The following RHBDD1 variants were observed in gnomAD, a reference collection of about 807,000 sequenced individuals.
RHBDD1 encodes rhomboid domain containing 1.
Under a neutral mutation model 36.3 loss-of-function variants are expected in RHBDD1, and 38 were observed. That is an observed-to-expected ratio of 1.05 (90% CI 0.81 to 1.37). RHBDD1 has a LOEUF of 1.37. Ranked by LOEUF, RHBDD1 falls within the 40% of genes most tolerant of loss-of-function variation. The pLI, the probability that RHBDD1 is intolerant of heterozygous loss-of-function variation, is 0.00. For missense variants in RHBDD1, 393 were observed against 377.6 expected (o/e 1.04, Z -0.34); for synonymous variants, 151 against 136.5 (o/e 1.11, Z -0.74).
intron 6 of RHBDD1, 66 bp downstream of exon 6, chr2:226,906,947 G>A (rs535241918): frequency 1.3e-6 from 2 of 1,527,320 alleles, no homozygotes; most frequent in South Asian, 1.1e-5. Flanking sequence ...AATGTGAACA[G>A]AAGCAACCCC....
intron 1 of RHBDD1, among the ~76,000 whole-genome samples, chr2:226,837,062 A>G (rs1222529158): frequency 6.6e-6 from 1 of 152,218 alleles, no homozygotes; most frequent in Non-Finnish European, 1.5e-5. Flanking sequence ...GTTGATACCA[A>G]TGCACCTGGA....
intron 8 of RHBDD1, among the ~76,000 whole-genome samples, chr2:226,958,882 A>G (rs1951981294): frequency 6.6e-6 from 1 of 152,132 alleles, no homozygotes; most frequent in South Asian, 2.1e-4. Context: ...GCTAGACATA[A>G]GACATTTTTT....
At chr2:226,973,550 A>T (rs557059158) in intron 8 of RHBDD1, among the ~76,000 whole-genome samples, 101 of 152,344 alleles carry the variant, frequency 6.6e-4, no homozygotes, top group African/African-American at 2.2e-3. Context: ...TCATAAAATG[A>T]TTCCTAGATG....
chr2:226,847,619 C>T (rs1282329402), intron 3 of RHBDD1, among the ~76,000 whole-genome samples: 1 of 152,152 alleles, frequency 6.6e-6, no homozygotes, highest in Non-Finnish European at 1.5e-5. Flanking sequence ...TGAGATTTTG[C>T]ATGAGAAACA....
At chr2:226,977,644 C>T (rs1049070429) in intron 8 of RHBDD1, among the ~76,000 whole-genome samples, 2 of 152,016 alleles carry the variant, frequency 1.3e-5, no homozygotes, top group Admixed American at 6.5e-5. Context: ...AGTTGTCATC[C>T]GAGGTAAATA....
At chr2:226,867,667 A>G in intron 5 of RHBDD1, 1 of 983,684 alleles carries the variant, frequency 1.0e-6, no homozygotes, top group Non-Finnish European at 1.2e-6. Flanking sequence ...CCACGTAACT[A>G]TAAAGATTAA....
intron 8 of RHBDD1, among the ~76,000 whole-genome samples, chr2:226,971,199 A>C (rs931267582): frequency 6.6e-5 from 10 of 152,184 alleles, no homozygotes; most frequent in Non-Finnish European, 1.0e-4. Flanking sequence ...TCTTGCTCTC[A>C]TTCACTCCTG....
chr2:226,997,862 T>C lies in RHBDD1; in HGVS notation c.*2340T>C, dbSNP rs987831962. 11 of 152,252 alleles carry C rather than the reference T, an allele frequency of 7.2e-5. No individual in the cohort carries two copies. The highest frequency in any genetic ancestry group is 2.7e-4 in the African/African-American group (11 of 41,460). 9.4% of individuals were successfully genotyped at this position (152,252 alleles called of 1,614,324 possible). A position where few individuals can be genotyped will look rare whatever the true frequency, so the allele number is the denominator to read the frequency against. On this transcript the variant is annotated 3_prime_UTR_variant, in exon 9 of 9. Coordinates refer to ENST00000392062, the MANE Select transcript of RHBDD1 (RefSeq NM_001167608.3). ...AAATTATTATAATTATTTTAGTTAA[T>C]GGACTTGCCTGTAACAAGTGCTTAT...
At chr2:226,836,369 C>A (rs73992237) in intron 1 of RHBDD1, among the ~76,000 whole-genome samples, 2,763 of 152,324 alleles carry the variant, frequency 0.018, 96 homozygotes, top group African/African-American at 0.062. Flanking sequence ...ACGACGTGCC[C>A]ACACTCGGAG....
At position 226,836,080 on chromosome 2, in the gene RHBDD1, T is replaced by C. The variant is rs1348525970; in HGVS notation, c.-399T>C. ...AAGACGTGGGGACGCAGGCGGGTCGTAGAGAGCGTGAGTTTCCGCGTCTGT... is the reference window on the plus strand; with the variant it reads ...AAGACGTGGGGACGCAGGCGGGTCGCAGAGAGCGTGAGTTTCCGCGTCTGT... On this transcript the variant is annotated 5_prime_UTR_variant, in exon 1 of 9. Coordinates refer to ENST00000392062, the MANE Select transcript of RHBDD1 (RefSeq NM_001167608.3). The C allele has an allele frequency of 6.6e-6, 1 of 152,648 alleles. No homozygotes were observed. 9.5% of individuals were successfully genotyped at this position (152,648 alleles called of 1,614,324 possible).
the RHBDD1 span, among the ~76,000 whole-genome samples, chr2:226,829,235 A>G: frequency 6.6e-6 from 1 of 152,210 alleles, no homozygotes; most frequent in African/African-American, 2.4e-5. Flanking sequence ...CTTTATGCCT[A>G]TTCTTACACC....
chr2:226,908,429 G>A (rs1223934434), intron 6 of RHBDD1: 1 of 183,230 alleles, frequency 5.5e-6, no homozygotes, highest in Admixed American at 5.5e-5. Flanking sequence ...GAAGGGTAGG[G>A]AGGATGGCTC....
At chr2:226,939,686 C>A (rs750775487) in intron 8 of RHBDD1, among the ~76,000 whole-genome samples, 1 of 152,172 alleles carries the variant, frequency 6.6e-6, no homozygotes, top group Non-Finnish European at 1.5e-5. Flanking sequence ...AATGGTCACA[C>A]TTCCCAAAGC....
chr2:226,874,669 C>T lies in RHBDD1; in HGVS notation c.566+7351C>T, dbSNP rs184117820. On this transcript the variant is annotated intron_variant, in intron 5 of 8. Transcript: ENST00000392062. The stretch of plus-strand genomic sequence containing the variant: ...CTTGTGATTGCATTTAGGAGTCACC[C>T]TGGTAATCCTGGATGATCTCTGTAC... Among the ~76,000 whole-genome samples, 636 of 152,250 alleles carry T rather than the reference C, an allele frequency of 4.2e-3. 4 individuals are homozygous for T. Among genetic ancestry groups the T allele is most frequent in the Non-Finnish European group, 6.7e-3 (456 of 68,004 alleles).
chr2:226,828,502 T>A, the RHBDD1 span, among the ~76,000 whole-genome samples: 3 of 152,332 alleles, frequency 2.0e-5, no homozygotes, highest in East Asian at 5.8e-4. Context: ...ATAACTATTT[T>A]CCAAAGTGGC....
chr2:226,912,298 A>T (rs1166091489), intron 7 of RHBDD1, among the ~76,000 whole-genome samples: 2 of 152,164 alleles, frequency 1.3e-5, no homozygotes, highest in African/African-American at 2.4e-5. Flanking sequence ...CATTCTGGCG[A>T]TTCCTCAGAT....
chr2:226,976,346 T>C (rs1416252075), intron 8 of RHBDD1, among the ~76,000 whole-genome samples: 1 of 150,312 alleles, frequency 6.7e-6, no homozygotes, highest in East Asian at 1.9e-4. Flanking sequence ...GTCAGTGACT[T>C]CCCAAGTCCA....
intron 5 of RHBDD1, among the ~76,000 whole-genome samples, chr2:226,900,237 C>T (rs1298237330): frequency 2.0e-5 from 3 of 152,136 alleles, no homozygotes; most frequent in Admixed American, 2.0e-4. Flanking sequence ...GTTATTGTTC[C>T]TTATTAAAGT....
chr2:226,933,484 C>G (rs564214286), intron 8 of RHBDD1, among the ~76,000 whole-genome samples: 40 of 152,188 alleles, frequency 2.6e-4, no homozygotes, highest in Middle Eastern at 3.4e-3. Flanking sequence ...ATTCTGGGTT[C>G]CCTTGCTGGC....
Sources: allele counts gnomAD v4.1 joint callset (sites outside exome capture counted in the v4.1 genomes callset), GRCh38; gene constraint gnomAD v4.1.1; transcripts MANE v1.5; gene names NCBI Gene and HGNC (gene_info 2026-07-23, HGNC 2026-07-21).